GALNTL6: variants seen among roughly 807,000 people sequenced by gnomAD.
GALNTL6 encodes polypeptide N-acetylgalactosaminyltransferase like 6.
In GALNTL6, 46 loss-of-function variants were observed where a neutral mutation model predicts 73.7. The ratio of observed to expected loss-of-function variants is 0.62; its 90% confidence interval spans 0.49 to 0.80. The LOEUF (loss-of-function observed/expected upper bound fraction) is 0.80. Ranked by LOEUF, GALNTL6 falls within the 30% of genes least tolerant of loss-of-function variation. The pLI is 0.00. For missense variants in GALNTL6, 604 were observed against 755.0 expected (o/e 0.80, Z 2.34); for synonymous variants, 259 against 263.7 (o/e 0.98, Z 0.17).
At chr4:172,438,140 G>C (rs184563550) in intron 5 of GALNTL6, among the ~76,000 whole-genome samples, 7 of 152,122 alleles carry the variant, frequency 4.6e-5, no homozygotes, top group Admixed American at 4.6e-4. Flanking sequence ...CAGTGCTTTT[G>C]AGAATGTATT....
At chr4:172,571,969 C>T (rs914774160) in intron 5 of GALNTL6, among the ~76,000 whole-genome samples, 1 of 152,104 alleles carries the variant, frequency 6.6e-6, no homozygotes, top group East Asian at 1.9e-4. Flanking sequence ...ATGTGCTTTT[C>T]CCCCGTATTG....
intron 2 of GALNTL6, among the ~76,000 whole-genome samples, chr4:171,910,940 G>T (rs1578963998): frequency 6.6e-6 from 1 of 151,950 alleles, no homozygotes; most frequent in Admixed American, 6.6e-5. Flanking sequence ...TTCAAAATTT[G>T]CACTTGGACA....
intron 8 of GALNTL6, among the ~76,000 whole-genome samples, chr4:172,929,420 G>A (rs1290944836): frequency 6.6e-6 from 1 of 151,930 alleles, no homozygotes; most frequent in African/African-American, 2.4e-5. Context: ...TATTACTCAG[G>A]GGTCTCCAGA....
At chr4:172,170,508 GTT>G (rs1197633372) in intron 2 of GALNTL6, among the ~76,000 whole-genome samples, 4,563 of 119,964 alleles carry the variant, frequency 0.038, 174 homozygotes, top group African/African-American at 0.13. Flanking sequence ...TTCTTTGGTG[GTT>G]TTTTTTTTTT....
chr4:173,008,269 A>T (rs1327776635), intron 10 of GALNTL6, among the ~76,000 whole-genome samples: 1 of 152,222 alleles, frequency 6.6e-6, no homozygotes, highest in Non-Finnish European at 1.5e-5. Context: ...CTAGCATGAT[A>T]GTGGTAGAAG....
intron 2 of GALNTL6, among the ~76,000 whole-genome samples, chr4:171,956,284 G>A (rs181408608): frequency 4.3e-4 from 65 of 152,192 alleles, no homozygotes; most frequent in African/African-American, 1.5e-3. Context: ...GGGATTACAG[G>A]TGTGATCCAC....
intron 5 of GALNTL6, among the ~76,000 whole-genome samples, chr4:172,698,434 T>C (rs553102630): frequency 2.6e-5 from 4 of 152,176 alleles, no homozygotes; most frequent in African/African-American, 4.8e-5. Context: ...AGATCCCATC[T>C]ACCCTCCACT....
At chr4:172,582,204 T>C (rs1290197243) in intron 5 of GALNTL6, among the ~76,000 whole-genome samples, 1 of 152,204 alleles carries the variant, frequency 6.6e-6, no homozygotes, top group Admixed American at 6.5e-5. Flanking sequence ...GGGGAGCAGA[T>C]ACCACAGTGG....
At chr4:172,365,082 A>G (rs1742506716) in intron 5 of GALNTL6, among the ~76,000 whole-genome samples, 1 of 152,212 alleles carries the variant, frequency 6.6e-6, no homozygotes, top group African/African-American at 2.4e-5. Context: ...AGACAGGTTT[A>G]TTTTGGAGAA....
chr4:172,019,029 A>G (rs1399415102), intron 2 of GALNTL6, among the ~76,000 whole-genome samples: 1 of 152,104 alleles, frequency 6.6e-6, no homozygotes, highest in Non-Finnish European at 1.5e-5. Flanking sequence ...CCCCAGTGGG[A>G]TATGTTAGGA....
At chr4:172,033,024 C>T (rs1410339870) in intron 2 of GALNTL6, among the ~76,000 whole-genome samples, 1 of 151,928 alleles carries the variant, frequency 6.6e-6, no homozygotes, top group African/African-American at 2.4e-5. Context: ...ACTCTTGAAC[C>T]TCCTGTAAAG....
At chr4:171,956,965 A>G (rs543036860) in intron 2 of GALNTL6, among the ~76,000 whole-genome samples, 23 of 152,304 alleles carry the variant, frequency 1.5e-4, no homozygotes, top group Non-Finnish European at 2.9e-4. Context: ...ACTCTGACCT[A>G]ACTATCCTTA....
intron 3 of GALNTL6, among the ~76,000 whole-genome samples, chr4:172,310,228 A>G (rs2661805): frequency 0.39 from 59,402 of 151,930 alleles, 12,469 homozygotes; most frequent in African/African-American, 0.54. Context: ...AATTTTGTAC[A>G]TAGCATTTTA....
intron 3 of GALNTL6, among the ~76,000 whole-genome samples, chr4:172,275,428 G>A (rs1278139224): frequency 6.6e-6 from 1 of 152,036 alleles, no homozygotes; most frequent in Non-Finnish European, 1.5e-5. Context: ...CTTATTAACT[G>A]GGTGAACTTG....
At chr4:172,740,038 A>G (rs1197005299) in intron 5 of GALNTL6, among the ~76,000 whole-genome samples, 1 of 151,932 alleles carries the variant, frequency 6.6e-6, no homozygotes, top group Non-Finnish European at 1.5e-5. Flanking sequence ...AGGGACTTCA[A>G]AACCCTCCTG....
intron 7 of GALNTL6, among the ~76,000 whole-genome samples, chr4:172,821,948 G>T (rs1193306480): frequency 6.6e-6 from 1 of 152,134 alleles, no homozygotes; most frequent in Non-Finnish European, 1.5e-5. Flanking sequence ...GCCCCTGGCT[G>T]CCCTGAGCCC....
intron 2 of GALNTL6, among the ~76,000 whole-genome samples, chr4:172,165,826 T>C (rs528434921): frequency 3.3e-5 from 5 of 152,226 alleles, no homozygotes; most frequent in Non-Finnish European, 7.3e-5. Flanking sequence ...ACTAGTTTTC[T>C]TATTGCTAAT....
chr4:171,997,938 G>T (rs1740540967), intron 2 of GALNTL6, among the ~76,000 whole-genome samples: 1 of 152,114 alleles, frequency 6.6e-6, no homozygotes, highest in African/African-American at 2.4e-5. Context: ...AGAAAGCTCA[G>T]TGGTGCCTCT....
rs1366015744 is a variant in GALNTL6, at chr4:172,173,356, A to G, written c.139-56300A>G. On this transcript the variant is annotated intron_variant, in intron 2 of 12. Coordinates refer to ENST00000506823, the MANE Select transcript of GALNTL6 (RefSeq NM_001034845.3). ...GGAACTGGGGGAGGAGGGCTCTGCT[A>G]TTGGTCCATCAAGAGCCTTCCTGTG... Among the ~76,000 whole-genome samples, 4 of 152,186 alleles carry G rather than the reference A, an allele frequency of 2.6e-5. No individual in the cohort carries two copies. In the South Asian group the frequency reaches 8.3e-4, roughly 31 times the overall value.
Sources: allele counts gnomAD v4.1 joint callset (sites outside exome capture counted in the v4.1 genomes callset), GRCh38; gene constraint gnomAD v4.1.1; transcripts MANE v1.5; gene names NCBI Gene and HGNC (gene_info 2026-07-23, HGNC 2026-07-21).